The following ARHGAP25 variants were observed in gnomAD, a reference collection of about 807,000 sequenced individuals.
The protein encoded by ARHGAP25 is rho GTPase-activating protein 25.
In ARHGAP25, 34 loss-of-function variants were observed where a neutral mutation model predicts 71.0. The ratio of observed to expected loss-of-function variants is 0.48; its 90% CI spans 0.36 to 0.64. ARHGAP25 has a LOEUF of 0.64. Ranked by LOEUF, ARHGAP25 falls within the 30% of genes least tolerant of loss-of-function variation. ARHGAP25 has a pLI of 0.00. For synonymous variants in ARHGAP25, 282 were observed against 296.5 expected (o/e 0.95, Z 0.50); for missense variants, 706 against 805.1 (o/e 0.88, Z 1.49).
intron 2 of ARHGAP25, among the ~76,000 whole-genome samples, chr2:68,719,991 C>T (rs1350765363): frequency 6.6e-6 from 1 of 152,140 alleles, no homozygotes; most frequent in Non-Finnish European, 1.5e-5. Flanking sequence ...ATCTAAAGTC[C>T]ATGCTTAAAG....
At chr2:68,718,875 T>C (rs1674684752) in intron 2 of ARHGAP25, among the ~76,000 whole-genome samples, 1 of 152,188 alleles carries the variant, frequency 6.6e-6, no homozygotes. Context: ...GACAAGGCCA[T>C]GATTAGAAGC....
At chr2:68,793,462 G>C (rs571685511) in intron 4 of ARHGAP25, among the ~76,000 whole-genome samples, 1 of 152,122 alleles carries the variant, frequency 6.6e-6, no homozygotes, top group Non-Finnish European at 1.5e-5. Context: ...TATGGTGAGA[G>C]ATAGGGCTCC....
intron 4 of ARHGAP25, among the ~76,000 whole-genome samples, chr2:68,801,353 G>A (rs932985972): frequency 2.0e-5 from 3 of 152,196 alleles, no homozygotes; most frequent in South Asian, 4.1e-4. Context: ...AGCAAGGACA[G>A]GAAGAATCCT....
chr2:68,714,189 G>T (rs565594647), intron 2 of ARHGAP25, among the ~76,000 whole-genome samples: 24 of 152,098 alleles, frequency 1.6e-4, no homozygotes, highest in African/African-American at 5.3e-4. Flanking sequence ...TCAGGGATTT[G>T]ACTTCTTCCT....
chr2:68,733,636 G>T (rs1369220859), upstream of ARHGAP25, among the ~76,000 whole-genome samples: 2 of 152,204 alleles, frequency 1.3e-5, no homozygotes, highest in African/African-American at 4.8e-5. Flanking sequence ...GATACAGCTT[G>T]CATGCAGGTA....
intron 1 of ARHGAP25, among the ~76,000 whole-genome samples, chr2:68,768,844 C>T (rs1271523096): frequency 6.6e-6 from 1 of 152,228 alleles, no homozygotes; most frequent in African/African-American, 2.4e-5. Flanking sequence ...CCTGTTCAAA[C>T]TGGCCTTGTT....
chr2:68,825,344 G>C (rs1682036601), intron 10 of ARHGAP25, among the ~76,000 whole-genome samples: 1 of 152,206 alleles, frequency 6.6e-6, no homozygotes, highest in African/African-American at 2.4e-5. Flanking sequence ...ACAAGGTGCT[G>C]TGGGAGTGAA....
At chr2:68,778,761 T>C (rs1036189629) in intron 2 of ARHGAP25, among the ~76,000 whole-genome samples, 3 of 152,210 alleles carry the variant, frequency 2.0e-5, no homozygotes, top group Admixed American at 6.5e-5. Context: ...TTCAATGCTA[T>C]TTATAATGAG....
In ARHGAP25 at chr2:68,735,089, G is replaced by A. The variant is rs1675133915; in HGVS notation, c.-111G>A. On this transcript the variant is annotated 5_prime_UTR_variant, in exon 1 of 11. Coordinates refer to ENST00000409202, the MANE Select transcript of ARHGAP25 (RefSeq NM_001007231.3). ...AAGATTGCTTGTGAAGCAATCATAA[G>A]GAGGAACAAAAACAGACACAAAAAC... 1.1e-6 allele frequency: 1 copy of A among 943,394 alleles called. No homozygotes were observed. Among genetic ancestry groups the A allele is most frequent in the Non-Finnish European group, 1.7e-6 (1 of 573,732 alleles). 58.4% of individuals were successfully genotyped at this position (943,394 alleles called of 1,614,324 possible).
intron 2 of ARHGAP25, among the ~76,000 whole-genome samples, chr2:68,726,685 A>C (rs1428437232): frequency 2.0e-5 from 3 of 152,216 alleles, no homozygotes; most frequent in Non-Finnish European, 2.9e-5. Context: ...GCCAGACATC[A>C]GATCCAATGC....
At chr2:68,741,606 A>C (rs1298686536) in intron 1 of ARHGAP25, among the ~76,000 whole-genome samples, 1 of 152,152 alleles carries the variant, frequency 6.6e-6, no homozygotes, top group Non-Finnish European at 1.5e-5. Context: ...GAGTCTCACT[A>C]TGTTGCCCAG....
At chr2:68,721,692 G>T (rs185789700) in intron 2 of ARHGAP25, among the ~76,000 whole-genome samples, 1 of 152,184 alleles carries the variant, frequency 6.6e-6, no homozygotes, top group South Asian at 2.1e-4. Context: ...TGAGCATCTC[G>T]TGATTTCAGG....
intron 1 of ARHGAP25, among the ~76,000 whole-genome samples, chr2:68,753,016 T>A (rs1676266109): frequency 6.6e-6 from 1 of 151,878 alleles, no homozygotes; most frequent in Non-Finnish European, 1.5e-5. Flanking sequence ...ACAGCATCAA[T>A]CCTCCCAGTT....
chr2:68,797,683 G>C (rs971213047), intron 4 of ARHGAP25, among the ~76,000 whole-genome samples: 2 of 152,170 alleles, frequency 1.3e-5, no homozygotes, highest in South Asian at 4.1e-4. Flanking sequence ...TAAGAGCTCC[G>C]ATCCAGAATG....
Position 68,751,373 on chromosome 2 carries a change from G to A in ARHGAP25, c.61+16113G>A, listed in dbSNP as rs181355525. On this transcript the variant is annotated intron_variant, in intron 1 of 10. Transcript: ENST00000409202. Reference sequence around the variant, plus strand: ...TGTAAAACAAGGAACCAATTTTAAGGGTGGAAAGCTAAGGTGGAGATACAT... The same window carrying A: ...TGTAAAACAAGGAACCAATTTTAAGAGTGGAAAGCTAAGGTGGAGATACAT... Among the ~76,000 whole-genome samples, 128 of 152,300 alleles carry A rather than the reference G, an allele frequency of 8.4e-4. 1 individual carries two copies. The highest frequency in any genetic ancestry group is 1.4e-3 in the Non-Finnish European group (97 of 68,024).
intron 7 of ARHGAP25, chr2:68,816,693 G>A (rs1405102555): frequency 8.9e-6 from 2 of 225,888 alleles, no homozygotes; most frequent in Non-Finnish European, 1.8e-5. Flanking sequence ...TAGCTCCAGG[G>A]AGACATTCAT....
chr2:68,804,062 G>C (rs1680191460), intron 4 of ARHGAP25, among the ~76,000 whole-genome samples: 1 of 152,168 alleles, frequency 6.6e-6, no homozygotes, highest in South Asian at 2.1e-4. Context: ...GATTAATATT[G>C]AAAGGGCTGC....
intron 9 of ARHGAP25, among the ~76,000 whole-genome samples, chr2:68,820,600 T>C (rs1681572970): frequency 6.6e-6 from 1 of 152,194 alleles, no homozygotes; most frequent in South Asian, 2.1e-4. Context: ...ATTGATTTTG[T>C]GTTTAGGTCT....
In ARHGAP25 at chr2:68,816,382, A is replaced by G. The variant is rs1160407045; in HGVS notation, c.881+20A>G. The G allele has an allele frequency of 6.3e-7, 1 of 1,593,292 alleles. No individual in the cohort carries two copies. The highest frequency in any genetic ancestry group is 1.7e-5 in the Admixed American group (1 of 59,978). Reference sequence around the variant, plus strand: ...CTGCAGGTGAGAGGCCCCTGGTATCAACTCTGCAGTTTTCAACCCCATCAG... The same window carrying G: ...CTGCAGGTGAGAGGCCCCTGGTATCGACTCTGCAGTTTTCAACCCCATCAG... On this transcript the variant is annotated intron_variant, in intron 7 of 10. Coordinates refer to ENST00000409202, the MANE Select transcript of ARHGAP25 (RefSeq NM_001007231.3).
Sources: allele counts gnomAD v4.1 joint callset (sites outside exome capture counted in the v4.1 genomes callset), GRCh38; gene constraint gnomAD v4.1.1; transcripts MANE v1.5; gene names NCBI Gene and HGNC (gene_info 2026-07-23, HGNC 2026-07-21).